GLIS2: variants seen among roughly 807,000 people sequenced by gnomAD.
GLIS2 encodes GLIS family zinc finger 2.
A neutral mutation model predicts 35.6 loss-of-function variants in GLIS2; 14 were observed. The ratio of observed to expected loss-of-function variants is 0.39; its 90% CI spans 0.26 to 0.61. The LOEUF is 0.61. Among genes scored for constraint, GLIS2 ranks in the 20% least tolerant of loss-of-function variants. GLIS2 has a pLI of 0.48. For synonymous variants in GLIS2, 368 were observed against 325.1 expected (o/e 1.13, Z -1.42); for missense variants, 675 against 713.4 (o/e 0.95, Z 0.61).
Position 4,337,955 on chromosome 16 carries a change from G to A in GLIS2, c.*431G>A. ...ACCAGGCTCCCCCTTCCTGAGAGGA[G>A]CCCCCAGGGACCAGAGGCCTGCCCT... is the stretch of plus-strand genomic sequence containing the variant. On this transcript the variant is annotated 3_prime_UTR_variant, in exon 7 of 7. Transcript: ENST00000433375. The A allele has an allele frequency of 3.1e-6, 1 of 322,928 alleles. No individual in the cohort carries two copies. Among genetic ancestry groups the A allele is most frequent in the Non-Finnish European group, 5.9e-6 (1 of 168,108 alleles). The allele number at this position is 322,928 out of a possible 1,614,324, so 20.0% of individuals were successfully genotyped here. A position where few individuals can be genotyped will look rare whatever the true frequency, so the allele number is the denominator to read the frequency against.
Position 4,335,377 on chromosome 16 carries a change from C to T in GLIS2, c.759C>T (p.His253=). The T allele has an allele frequency of 1.9e-6, 3 of 1,613,642 alleles. No individual in the cohort carries two copies. Among genetic ancestry groups the T allele is most frequent in the East Asian group, 2.2e-5 (1 of 44,880 alleles). The change falls in exon 6 of 7, where the codon CAC becomes CAT. Residue 253 remains histidine (H), a synonymous_variant. Transcript: ENST00000433375. The surrounding 1 kb of genome is among the most constrained non-coding windows in gnomAD (Gnocchi z 4.6). The part of the protein sequence containing the change: ...SFSRLENLKI[H]NRSHTGEKPY... ...CCCGCCTGGAGAACCTGAAGATCCA[C>T]AACCGGTCGCACACAGGTAAGAGGC...
Position 4,334,910 on chromosome 16 carries a change from C to G in GLIS2, c.455C>G (p.Pro152Arg). 6.2e-7 allele frequency: 1 copy of G among 1,613,200 alleles called. No homozygotes were observed. The highest frequency in any genetic ancestry group is 8.5e-7 in the Non-Finnish European group (1 of 1,180,030). The change falls in exon 4 of 7, where the codon CCT becomes CGT. Residue 152 changes from proline to arginine, a missense_variant. Physicochemically the swap from Pro to Arg is moderately radical, Grantham distance 103 (BLOSUM62 -2). This residue lies in a region of GLIS2 where 225 missense variants were observed against 238.7 expected (regional missense o/e 0.94). Transcript: ENST00000433375. ...LHLPASSFLTPPKDKCLSPDL... is the reference protein window; with the variant it reads ...LHLPASSFLTRPKDKCLSPDL... ...CTGCCTGCCTCCTCCTTCCTTACCC[C>G]TCCCAAGGACAAGTGCCTCTCGCCA...
rs2053573057 is a variant in GLIS2, at chr16:4,337,719, G to A, written c.*195G>A. ...CCCGGGTGGGGACCTGGCCTGTCATGCAGGGAGAGCTGTGCTCCTGGGTGC... is the reference window on the plus strand; with the variant it reads ...CCCGGGTGGGGACCTGGCCTGTCATACAGGGAGAGCTGTGCTCCTGGGTGC... On this transcript the variant is annotated 3_prime_UTR_variant, in exon 7 of 7. Coordinates refer to ENST00000433375, the MANE Select transcript of GLIS2 (RefSeq NM_032575.3). The A allele has an allele frequency of 1.4e-6, 1 of 739,748 alleles. No homozygotes were observed. The highest frequency in any genetic ancestry group is 2.7e-5 in the East Asian group (1 of 36,974). 45.8% of individuals were successfully genotyped at this position (739,748 alleles called of 1,614,324 possible).
At position 4,338,373 on chromosome 16, in the gene GLIS2, G is replaced by C. The variant is rs757142602; in HGVS notation, c.*849G>C. 2.0e-5 allele frequency: 3 copies of C among 152,374 alleles called. No homozygotes were observed. Among genetic ancestry groups the C allele is most frequent in the Non-Finnish European group, 2.9e-5 (2 of 68,154 alleles). The allele number at this position is 152,374 out of a possible 1,614,324, so 9.4% of individuals were successfully genotyped here. ...CTGGCTCAGGGAGCATGTGGGGCCAGGCCCAGCGCCCCGTCTTCCTCCTTC... is the reference window on the plus strand; with the variant it reads ...CTGGCTCAGGGAGCATGTGGGGCCACGCCCAGCGCCCCGTCTTCCTCCTTC... On this transcript the variant is annotated 3_prime_UTR_variant, in exon 7 of 7. Coordinates refer to ENST00000433375, the MANE Select transcript of GLIS2 (RefSeq NM_032575.3).
chr16:4,333,481 C>G lies in GLIS2; in HGVS notation c.307C>G (p.Gln103Glu). 1.2e-6 allele frequency: 2 copies of G among 1,612,288 alleles called. No individual in the cohort carries two copies. The highest frequency in any genetic ancestry group is 1.7e-6 in the Non-Finnish European group (2 of 1,179,712). The change falls in exon 3 of 7, where the codon CAG becomes GAG. Residue 103 changes from glutamine (Q) to glutamate (E), a missense_variant. Gln to Glu is a conservative substitution (Grantham distance 29). Around this residue, in one of 3 missense-constraint regions of GLIS2, gnomAD observed 225 missense variants for 238.7 expected, o/e 0.94. Transcript: ENST00000433375. ...NGSSSLSPERQGNGDLPPVPS... is the reference protein window; with the variant it reads ...NGSSSLSPEREGNGDLPPVPS... The stretch of plus-strand genomic sequence containing the variant: ...CAGCAGCTCGCTGTCCCCCGAGCGC[C>G]AGGGCAACGGGGACCTGCCTCCAGT...
intron 6 of GLIS2, chr16:4,336,122 C>T (rs554843006): frequency 5.5e-4 from 106 of 193,534 alleles, no homozygotes; most frequent in Admixed American, 1.7e-3. Context: ...CTGGGCGCCT[C>T]GTGCCAGGAT....
rs185683683 is a variant in GLIS2 at position 4,334,276 on chromosome 16, C to T, written c.346-525C>T. On this transcript the variant is annotated intron_variant, in intron 3 of 6. Coordinates refer to ENST00000433375, the MANE Select transcript of GLIS2 (RefSeq NM_032575.3). ...TTTTTTAAACAGGGTCTAGCTCTGT[C>T]ACCCAGGCTGGAGTGCAGTGGCATG... Among the ~76,000 whole-genome samples, 169 of 135,970 alleles carry T rather than the reference C, an allele frequency of 1.2e-3. 1 individual carries two copies. The highest frequency in any genetic ancestry group is 4.3e-3 in the African/African-American group (153 of 35,428). The allele number at this position is 135,970 out of a possible 152,430, so 89.2% of individuals were successfully genotyped here.
rs556411974 is a variant in GLIS2 at position 4,333,332 on chromosome 16, G to C, written c.173-15G>C. The C allele has an allele frequency of 6.2e-7, 1 of 1,612,656 alleles. No individual in the cohort carries two copies. The highest frequency in any genetic ancestry group is 1.3e-5 in the African/African-American group (1 of 75,042). On this transcript the variant is annotated splice_polypyrimidine_tract_variant and intron_variant, in intron 2 of 6. Transcript: ENST00000433375. The stretch of plus-strand genomic sequence containing the variant: ...TCTACACTCCAGCACACCCTGAACT[G>C]TGCCTCTCCCTCAGGCTTCCTGCTG...
Position 4,320,309 on chromosome 16 carries a change from C to T in GLIS2, c.-67+4055C>T, listed in dbSNP as rs1006054621. 3.9e-5 allele frequency among the ~76,000 whole-genome samples: 6 copies of T among 152,144 alleles called. No individual in the cohort carries two copies. The highest frequency in any genetic ancestry group is 9.7e-5 in the African/African-American group (4 of 41,420). ...TGAGTCAGCCCCCGGCCGGGAGCCTCCGGAAAACAGTCCTGCCCGTCACAT... is the reference window on the plus strand; with the variant it reads ...TGAGTCAGCCCCCGGCCGGGAGCCTTCGGAAAACAGTCCTGCCCGTCACAT... On this transcript the variant is annotated intron_variant, in intron 1 of 6. Transcript: ENST00000433375. This position sits in a 1 kb window ranked among gnomAD's most constrained non-coding sequence, Gnocchi z 5.6.
rs1421660953 is a variant in GLIS2, at chr16:4,320,352, G to A, written c.-67+4098G>A. ...CGTCACATGGAGGGTCCCCACCGCT[G>A]GCACAGCACGCTCCCAGGGCAGCCT... is the stretch of plus-strand genomic sequence containing the variant. On this transcript the variant is annotated intron_variant, in intron 1 of 6. Transcript: ENST00000433375. The surrounding 1 kb of genome is among the most constrained non-coding windows in gnomAD (Gnocchi z 5.6). 6.6e-6 allele frequency among the ~76,000 whole-genome samples: 1 copy of A among 152,100 alleles called. No individual in the cohort carries two copies. The highest frequency in any genetic ancestry group is 1.5e-5 in the Non-Finnish European group (1 of 68,004).
At chr16:4,316,353 TCCC>T (rs2053312556) in intron 1 of GLIS2, among the ~76,000 whole-genome samples, 99 bp downstream of exon 1, 1 of 112,804 alleles carries the variant, frequency 8.9e-6, no homozygotes, top group African/African-American at 3.4e-5. Context: ...GAGGGTCTCC[TCCC>T]CCGCTCGCGT....
chr16:4,329,193 A>G (rs1196157340), intron 1 of GLIS2: 1 of 152,260 alleles, frequency 6.6e-6, no homozygotes, highest in Non-Finnish European at 1.5e-5. Context: ...AGACACACAG[A>G]TAGACAGATG....
Position 4,320,958 on chromosome 16 carries a change from T to A in GLIS2, c.-67+4704T>A, listed in dbSNP as rs2053373160. Among the ~76,000 whole-genome samples the A allele has an allele frequency of 6.6e-6, 1 of 152,186 alleles. No homozygotes were observed. The highest frequency in any genetic ancestry group is 1.9e-4 in the East Asian group (1 of 5,186). On this transcript the variant is annotated intron_variant, in intron 1 of 6. Transcript: ENST00000433375. This position sits in a 1 kb window ranked among gnomAD's most constrained non-coding sequence, Gnocchi z 5.6. Reference sequence around the variant, plus strand: ...GCCTGGAGCCACCAGGCCTGGCAGATCCTGCCAGTGGGTGTTCCCCTTTGG... The same window carrying A: ...GCCTGGAGCCACCAGGCCTGGCAGAACCTGCCAGTGGGTGTTCCCCTTTGG...
At chr16:4,325,007 G>A (rs1259179052) in intron 1 of GLIS2, among the ~76,000 whole-genome samples, 2 of 152,216 alleles carry the variant, frequency 1.3e-5, no homozygotes, top group Non-Finnish European at 2.9e-5. Flanking sequence ...GGCCAAGGAG[G>A]GTGGAGCTCT....
Position 4,337,012 on chromosome 16 carries a change from A to C in GLIS2, c.1063A>C (p.Ile355Leu). The C allele has an allele frequency of 6.2e-7, 1 of 1,604,428 alleles. No homozygotes were observed. The highest frequency in any genetic ancestry group is 8.5e-7 in the Non-Finnish European group (1 of 1,178,032). ...GPYVSGAQII[I>L]PNPAALFGGP... The stretch of plus-strand genomic sequence containing the variant: ...CTATGTCAGTGGGGCCCAGATCATC[A>C]TCCCCAACCCAGCTGCCCTCTTTGG... Residue 355 changes from isoleucine to leucine, a missense_variant, in exon 7 of 7, where the codon ATC becomes CTC. Transcript: ENST00000433375.
chr16:4,333,391 T>C lies in GLIS2; in HGVS notation c.217T>C (p.Phe73Leu), dbSNP rs370568910. The C allele has an allele frequency of 8.1e-6, 13 of 1,612,848 alleles. No individual in the cohort carries two copies. The highest frequency in any genetic ancestry group is 1.0e-5 in the Non-Finnish European group (12 of 1,179,952). Residue 73 changes from phenylalanine to leucine, a missense_variant, in exon 3 of 7, where the codon TTT becomes CTT. Phe to Leu is a conservative substitution (Grantham distance 22). Around this residue, in one of 3 missense-constraint regions of GLIS2, gnomAD observed 225 missense variants for 238.7 expected, o/e 0.94. Coordinates refer to ENST00000433375, the MANE Select transcript of GLIS2 (RefSeq NM_032575.3). ...SKFPEKVEGR[F>L]SAAPLVDLSL... ...GTTCCCCGAGAAGGTGGAGGGACGCTTTTCAGCAGCCCCTCTCGTGGACCT... is the reference window on the plus strand; with the variant it reads ...GTTCCCCGAGAAGGTGGAGGGACGCCTTTCAGCAGCCCCTCTCGTGGACCT...
At chr16:4,321,066 C>A (rs943470080) in intron 1 of GLIS2, among the ~76,000 whole-genome samples, 8 of 152,194 alleles carry the variant, frequency 5.3e-5, no homozygotes, top group Non-Finnish European at 7.4e-5. Context: ...CAGAGAGGGG[C>A]GGGTGGCTGA....
intron 1 of GLIS2, among the ~76,000 whole-genome samples, chr16:4,324,066 C>A (rs903216711): frequency 6.6e-6 from 1 of 152,170 alleles, no homozygotes; most frequent in Admixed American, 6.5e-5. Flanking sequence ...TCCCGAGGAC[C>A]CCACGGCAGA....
At chr16:4,317,924 G>A (rs955201107) in intron 1 of GLIS2, among the ~76,000 whole-genome samples, 4 of 152,150 alleles carry the variant, frequency 2.6e-5, no homozygotes, top group African/African-American at 9.7e-5. Flanking sequence ...GCCCTTCCCT[G>A]TCTGTGACCT....
Sources: gnomAD v4.1 joint callset for allele counts (sites outside exome capture counted in the v4.1 genomes callset) on GRCh38, gnomAD v4.1.1 for gene constraint, gnomAD v4.1.1 regional missense constraint, Gnocchi (gnomAD v3.1) non-coding constraint, MANE v1.5 for transcripts, NCBI Gene and HGNC (gene_info 2026-07-23, HGNC 2026-07-21) for gene names.